Variants in VCAN observed in about 807,000 individuals in gnomAD.
VCAN encodes the protein versican, also known as versican core protein.
VCAN carries 44 observed loss-of-function variants against 245.5 expected under a neutral mutation model. The ratio of observed to expected loss-of-function variants is 0.18; its 90% CI spans 0.14 to 0.23. The LOEUF (loss-of-function observed/expected upper bound fraction) is 0.23. Among genes scored for constraint, VCAN ranks in the 10% least tolerant of loss-of-function variants. The pLI is 1.00. For synonymous variants in VCAN, 1,413 were observed against 1,437.0 expected, an observed-to-expected ratio of 0.98 and a Z score of 0.38; for missense variants, 3,793 against 4,057.9, an observed-to-expected ratio of 0.93 and a Z score of 1.77.
At chr5:83,473,298 A>T (rs975266730) in intron 1 of VCAN, among the ~76,000 whole-genome samples, 2 of 152,180 alleles carry the variant, frequency 1.3e-5, no homozygotes, top group Non-Finnish European at 2.9e-5. Context: ...AAATAGTGTC[A>T]TAGCCTAAAC....
intron 12 of VCAN, among the ~76,000 whole-genome samples, 159 bp downstream of exon 12, chr5:83,555,197 T>C (rs1462365230): frequency 6.6e-6 from 1 of 152,220 alleles, no homozygotes; most frequent in African/African-American, 2.4e-5. Context: ...AGTTCCAAGC[T>C]ACCTGATCCA....
chr5:83,537,803 A>G lies in VCAN; in HGVS notation c.4800A>G (p.Ala1600=). Residue 1600 remains alanine (A), a synonymous_variant, in exon 8 of 15, where the codon GCA becomes GCG. Coordinates refer to ENST00000265077, the MANE Select transcript of VCAN (RefSeq NM_004385.5). ...SASAYVSEEE[A]VTLIGNPWPD... Reference sequence around the variant, plus strand: ...CAGCATATGTTTCAGAGGAAGAAGCAGTTACCCTAATAGGAAATCCTTGGC... The same window carrying G: ...CAGCATATGTTTCAGAGGAAGAAGCGGTTACCCTAATAGGAAATCCTTGGC... 1.9e-6 allele frequency: 3 copies of G among 1,614,062 alleles called. No homozygotes were observed. Among genetic ancestry groups the G allele is most frequent in the Non-Finnish European group, 2.5e-6 (3 of 1,179,962 alleles).
intron 8 of VCAN, 151 bp downstream of exon 8, chr5:83,542,419 T>C: frequency 3.6e-6 from 3 of 839,408 alleles, no homozygotes; most frequent in Non-Finnish European, 5.7e-6. Flanking sequence ...CAGTATTGAG[T>C]TCATAATGAG....
At chr5:83,517,265 C>T (rs1480492034) in intron 6 of VCAN, among the ~76,000 whole-genome samples, 1 of 152,136 alleles carries the variant, frequency 6.6e-6, no homozygotes, top group Non-Finnish European at 1.5e-5. Context: ...AAGTTGCTAG[C>T]AGAGAGCTTG....
chr5:83,541,389 C>A lies in VCAN; in HGVS notation c.8386C>A (p.Pro2796Thr). The A allele has an allele frequency of 6.2e-7, 1 of 1,614,008 alleles. No individual in the cohort carries two copies. Among genetic ancestry groups the A allele is most frequent in the Non-Finnish European group, 8.5e-7 (1 of 1,179,980 alleles). The change falls in exon 8 of 15, where the codon CCT becomes ACT. Residue 2796 changes from proline (P) to threonine (T), a missense_variant. Transcript: ENST00000265077. ...HLMDQSVTEV[P>T]DVMEGSNPPY... is the part of the protein sequence containing the mutation. ...TATGGATCAGAGTGTAACAGAGGTG[C>A]CTGATGTGATGGAAGGATCCAATCC...
At chr5:83,535,767 A>C (rs1746684023) in intron 7 of VCAN, 1 of 152,144 alleles carries the variant, frequency 6.6e-6, no homozygotes, top group East Asian at 1.9e-4. Flanking sequence ...GATTTCTCCT[A>C]AACACTTCTC....
At chr5:83,490,798 A>G (rs1744959312) in intron 3 of VCAN, among the ~76,000 whole-genome samples, 1 of 152,224 alleles carries the variant, frequency 6.6e-6, no homozygotes. Flanking sequence ...CAAGACTCTG[A>G]AGGCGAATCT....
chr5:83,572,345 T>C (rs1190916849), intron 12 of VCAN, 71 bp from the exon 13 acceptor site: 5 of 1,555,954 alleles, frequency 3.2e-6, no homozygotes, highest in Non-Finnish European at 4.4e-6. Flanking sequence ...TAGATTGTGA[T>C]ATAATACCGT....
intron 7 of VCAN, among the ~76,000 whole-genome samples, chr5:83,532,074 C>T (rs1202586053): frequency 6.6e-6 from 1 of 152,028 alleles, no homozygotes; most frequent in East Asian, 1.9e-4. Flanking sequence ...GTCAATTACA[C>T]CATTGGGTTG....
chr5:83,525,114 C>T (rs1366356312), intron 7 of VCAN, among the ~76,000 whole-genome samples: 1 of 147,646 alleles, frequency 6.8e-6, no homozygotes, highest in Admixed American at 6.8e-5. Flanking sequence ...GTTATACTTG[C>T]TCAAATGGAT....
chr5:83,476,674 G>C (rs1444008752), intron 1 of VCAN, among the ~76,000 whole-genome samples: 3 of 152,022 alleles, frequency 2.0e-5, no homozygotes, highest in African/African-American at 7.3e-5. Context: ...TATAAAGTCT[G>C]TGTGTGTGTG....
Position 83,572,456 on chromosome 5 carries a change from T to A in VCAN, c.9776T>A (p.Phe3259Tyr). The A allele has an allele frequency of 2.5e-6, 4 of 1,613,998 alleles. No homozygotes were observed. The highest frequency in any genetic ancestry group is 3.4e-6 in the Non-Finnish European group (4 of 1,179,894). The stretch of plus-strand genomic sequence containing the variant: ...AGACCCAACCAGCCAGACAGCTTCT[T>A]TTCTGCTGGAGAAGACTGTGTTGTA... Reference protein sequence around the residue: ...NWRPNQPDSFFSAGEDCVVII... With the variant: ...NWRPNQPDSFYSAGEDCVVII... The change falls in exon 13 of 15, where the codon TTT becomes TAT. Residue 3259 changes from phenylalanine to tyrosine, a missense_variant. By Grantham distance (22) the Phe-to-Tyr change is conservative (BLOSUM62 3). This residue lies in a region of VCAN where 205 missense variants were observed against 321.1 expected (regional missense o/e 0.64). Transcript: ENST00000265077.
At chr5:83,553,226 G>A (rs774772109) in intron 10 of VCAN, 138 bp from the exon 11 acceptor site, 54 of 1,163,400 alleles carry the variant, frequency 4.6e-5, no homozygotes, top group Non-Finnish European at 6.2e-5. Flanking sequence ...CTTTGTCATC[G>A]TGACCAAATT....
At chr5:83,536,036 G>A (rs1746693095) in intron 7 of VCAN, 1 of 152,154 alleles carries the variant, frequency 6.6e-6, no homozygotes, top group African/African-American at 2.4e-5. Flanking sequence ...CCAAGACAAG[G>A]AGCTTTGCTG....
At chr5:83,482,977 C>T (rs933221028) in intron 1 of VCAN, among the ~76,000 whole-genome samples, 3 of 152,198 alleles carry the variant, frequency 2.0e-5, no homozygotes, top group Admixed American at 6.5e-5. Context: ...TGCCGAAGTC[C>T]TTATTCTCTG....
intron 7 of VCAN, among the ~76,000 whole-genome samples, chr5:83,528,611 A>G (rs1746392589): frequency 1.3e-5 from 2 of 152,142 alleles, no homozygotes; most frequent in Non-Finnish European, 2.9e-5. Context: ...ATAAGACAGC[A>G]TGTTCTGTGG....
rs1165445321 is a variant in VCAN, at chr5:83,512,299, T to C, written c.945T>C (p.Cys315=). 1.9e-6 allele frequency: 3 copies of C among 1,613,916 alleles called. No homozygotes were observed. Among genetic ancestry groups the C allele is most frequent in the Admixed American group, 3.3e-5 (2 of 59,996 alleles). The part of the protein sequence containing the change: ...RHPVTVARAQ[C]GGGLLGVRTL... ...CTGTGACTGTGGCCAGGGCCCAGTGTGGAGGTGGTCTACTTGGGGTGAGAA... is the reference window on the plus strand; with the variant it reads ...CTGTGACTGTGGCCAGGGCCCAGTGCGGAGGTGGTCTACTTGGGGTGAGAA... The change falls in exon 6 of 15, where the codon TGT becomes TGC. Residue 315 remains cysteine, a synonymous_variant. Coordinates refer to ENST00000265077, the MANE Select transcript of VCAN (RefSeq NM_004385.5).
intron 6 of VCAN, among the ~76,000 whole-genome samples, chr5:83,514,909 A>G (rs1745794255): frequency 6.6e-6 from 1 of 152,222 alleles, no homozygotes; most frequent in South Asian, 2.1e-4. Flanking sequence ...GATTTCAGAG[A>G]TATACAGCTG....
At chr5:83,571,573 A>G (rs1748292231) in intron 12 of VCAN, among the ~76,000 whole-genome samples, 1 of 152,164 alleles carries the variant, frequency 6.6e-6, no homozygotes, top group South Asian at 2.1e-4. Context: ...ATACGTGTAT[A>G]TATAAAGGTA....
Sources: allele counts gnomAD v4.1 joint callset (sites outside exome capture counted in the v4.1 genomes callset), GRCh38; gene constraint gnomAD v4.1.1; regional missense constraint gnomAD v4.1.1; transcripts MANE v1.5; gene names NCBI Gene and HGNC (gene_info 2026-07-23, HGNC 2026-07-21).